The following CSMD1 variants were observed in gnomAD, a reference collection of about 807,000 sequenced individuals.
The protein encoded by CSMD1 is CUB and Sushi multiple domains 1.
In CSMD1, 213 loss-of-function variants were observed where a neutral mutation model predicts 417.5. That is an observed-to-expected ratio of 0.51 (90% CI 0.46 to 0.57). The LOEUF is 0.57. Among genes scored for constraint, CSMD1 ranks in the 20% least tolerant of loss-of-function variants. The pLI, the probability that CSMD1 is intolerant of heterozygous loss-of-function variation, is 0.00. For missense variants in CSMD1, 6,923 were observed against 4,529.7 expected, an observed-to-expected ratio of 1.53 and a Z score of -15.17; for synonymous variants, 2,862 against 1,736.8, an observed-to-expected ratio of 1.65 and a Z score of -16.11.
chr8:4,910,243 A>C (rs1805572061), intron 1 of CSMD1, among the ~76,000 whole-genome samples: 1 of 152,164 alleles, frequency 6.6e-6, no homozygotes, highest in African/African-American at 2.4e-5. Context: ...GTGACTATTT[A>C]CACTTCCATT....
At chr8:4,891,918 T>C (rs551634824) in intron 1 of CSMD1, among the ~76,000 whole-genome samples, 1 of 152,180 alleles carries the variant, frequency 6.6e-6, no homozygotes, top group South Asian at 2.1e-4. Flanking sequence ...AAACAGATGG[T>C]AGGTTATCAA....
chr8:4,202,510 T>G (rs1192838175), intron 3 of CSMD1, among the ~76,000 whole-genome samples: 2 of 152,202 alleles, frequency 1.3e-5, no homozygotes. Context: ...AATTTGCACT[T>G]TTATACTTAA....
chr8:3,938,802 C>G (rs897009005), intron 5 of CSMD1, among the ~76,000 whole-genome samples: 2 of 152,110 alleles, frequency 1.3e-5, no homozygotes, highest in African/African-American at 4.8e-5. Flanking sequence ...CAAACATTTT[C>G]TTCAGTAAAA....
intron 7 of CSMD1, among the ~76,000 whole-genome samples, chr8:3,649,594 C>G (rs1797742063): frequency 6.6e-6 from 1 of 151,992 alleles, no homozygotes; most frequent in South Asian, 2.1e-4. Context: ...TCTTATAAAA[C>G]CAGTAGATCT....
chr8:4,928,565 G>C (rs564325655), intron 1 of CSMD1, among the ~76,000 whole-genome samples: 2 of 152,130 alleles, frequency 1.3e-5, no homozygotes, highest in African/African-American at 2.4e-5. Context: ...TTCCAGTCTT[G>C]CAGATGTGCA....
chr8:4,353,187 T>C (rs539138909), intron 3 of CSMD1, among the ~76,000 whole-genome samples: 1 of 152,284 alleles, frequency 6.6e-6, no homozygotes, highest in African/African-American at 2.4e-5. Context: ...TCCCCACGTG[T>C]CAAGTGTGGA....
chr8:4,761,269 A>G (rs1812023562), intron 1 of CSMD1, among the ~76,000 whole-genome samples: 1 of 152,150 alleles, frequency 6.6e-6, no homozygotes, highest in South Asian at 2.1e-4. Context: ...AGAACAGGAA[A>G]GCATGGTCAG....
chr8:4,336,521 C>A (rs544960076), intron 3 of CSMD1, among the ~76,000 whole-genome samples: 1 of 152,120 alleles, frequency 6.6e-6, no homozygotes, highest in African/African-American at 2.4e-5. Context: ...TGGCCAATAA[C>A]GTGTTCGATG....
chr8:3,035,330 C>A (rs188820970), intron 50 of CSMD1, among the ~76,000 whole-genome samples: 198 of 152,230 alleles, frequency 1.3e-3, no homozygotes, highest in Middle Eastern at 6.8e-3. Context: ...CGGATCCTCA[C>A]TCACAACGAC....
chr8:4,802,359 G>GTGTGTGTC (rs1218762661), intron 1 of CSMD1, among the ~76,000 whole-genome samples: 8 of 151,566 alleles, frequency 5.3e-5, no homozygotes, highest in Non-Finnish European at 1.2e-4. Flanking sequence ...GCGCGTGTGT[G>GTGTGTGTC]TGTGTGTGTG....
chr8:4,955,725 G>C (rs1252100968), intron 1 of CSMD1, among the ~76,000 whole-genome samples: 1 of 145,612 alleles, frequency 6.9e-6, no homozygotes, highest in Non-Finnish European at 1.5e-5. Flanking sequence ...TAAAGTGCTG[G>C]GATTACAGGC....
intron 3 of CSMD1, among the ~76,000 whole-genome samples, chr8:4,380,703 G>A (rs922781502): frequency 1.3e-5 from 2 of 152,158 alleles, no homozygotes; most frequent in Admixed American, 1.3e-4. Flanking sequence ...TAATAACAGA[G>A]GATTGTGGAT....
intron 3 of CSMD1, among the ~76,000 whole-genome samples, chr8:4,140,865 A>G (rs1429583350): frequency 2.0e-5 from 3 of 151,110 alleles, no homozygotes; most frequent in Admixed American, 2.0e-4. Flanking sequence ...CCAAGAGGGC[A>G]TTTGGGAGAT....
chr8:3,356,970 G>A (rs534744235), intron 21 of CSMD1, among the ~76,000 whole-genome samples: 6 of 152,222 alleles, frequency 3.9e-5, no homozygotes, highest in East Asian at 1.9e-4. Flanking sequence ...TCTGGGAGCT[G>A]CGGCCCCTGG....
chr8:3,612,076 G>A (rs1190840026), intron 8 of CSMD1, among the ~76,000 whole-genome samples: 2 of 151,974 alleles, frequency 1.3e-5, no homozygotes, highest in East Asian at 1.9e-4. Context: ...ACAATGTTGT[G>A]CAACAGATTG....
At chr8:4,556,025 T>C (rs1235868478) in intron 2 of CSMD1, among the ~76,000 whole-genome samples, 1 of 152,084 alleles carries the variant, frequency 6.6e-6, no homozygotes, top group East Asian at 1.9e-4. Context: ...GCTTCCCTTA[T>C]ACTCAATGAA....
intron 3 of CSMD1, among the ~76,000 whole-genome samples, chr8:4,162,328 T>C (rs1193246431): frequency 3.3e-5 from 5 of 152,204 alleles, no homozygotes; most frequent in African/African-American, 1.2e-4. Context: ...TTTATGTTAC[T>C]ACAAAAGAAA....
At chr8:4,807,754 C>T (rs976866776) in intron 1 of CSMD1, among the ~76,000 whole-genome samples, 2 of 152,122 alleles carry the variant, frequency 1.3e-5, no homozygotes, top group Non-Finnish European at 2.9e-5. Flanking sequence ...AGAATCATAT[C>T]ACAGTATGTA....
chr8:3,483,839 A>T (rs891597992), intron 11 of CSMD1, among the ~76,000 whole-genome samples: 1 of 152,176 alleles, frequency 6.6e-6, no homozygotes, highest in African/African-American at 2.4e-5. Context: ...GTCAACTTTT[A>T]AAAAAATCAA....
Sources: allele counts gnomAD v4.1 joint callset (sites outside exome capture counted in the v4.1 genomes callset), GRCh38; gene constraint gnomAD v4.1.1; transcripts MANE v1.5; gene names NCBI Gene and HGNC (gene_info 2026-07-23, HGNC 2026-07-21).